Variants in SULF1 observed in about 807,000 individuals in gnomAD.
SULF1 encodes extracellular sulfatase Sulf-1.
In SULF1, 46 loss-of-function variants were observed where a neutral mutation model predicts 110.5. The ratio of observed to expected loss-of-function variants is 0.42; its 90% CI spans 0.33 to 0.53. SULF1 has a LOEUF of 0.53. Among genes scored for constraint, SULF1 ranks in the 20% least tolerant of loss-of-function variants. The pLI is 0.12. For synonymous variants in SULF1, 371 were observed against 387.1 expected (o/e 0.96, Z 0.49); for missense variants, 941 against 1,094.2 (o/e 0.86, Z 1.98).
chr8:69,530,803 T>C (rs1813027393), intron 3 of SULF1, among the ~76,000 whole-genome samples: 1 of 152,232 alleles, frequency 6.6e-6, no homozygotes, highest in Non-Finnish European at 1.5e-5. Context: ...AACCACTTTC[T>C]ATCTGGTTAG....
At chr8:69,475,159 T>G (rs971291737) in intron 1 of SULF1, among the ~76,000 whole-genome samples, 3 of 152,286 alleles carry the variant, frequency 2.0e-5, no homozygotes, top group East Asian at 3.9e-4. Flanking sequence ...GATCCTCTCT[T>G]GCCTCTGCTC....
chr8:69,546,184 A>G (rs1248116280), intron 3 of SULF1, among the ~76,000 whole-genome samples: 1 of 151,394 alleles, frequency 6.6e-6, no homozygotes, highest in African/African-American at 2.5e-5. Flanking sequence ...GCAATTAGCA[A>G]TTTGCATCAC....
At chr8:69,582,729 G>A (rs373916462) in intron 6 of SULF1, among the ~76,000 whole-genome samples, 4 of 151,420 alleles carry the variant, frequency 2.6e-5, no homozygotes, top group Admixed American at 6.6e-5. Context: ...GGATAAACCC[G>A]TAGGGATGAG....
At chr8:69,614,939 A>C (rs1808968306) in intron 13 of SULF1, among the ~76,000 whole-genome samples, 1 of 152,268 alleles carries the variant, frequency 6.6e-6, no homozygotes, top group Admixed American at 6.5e-5. Context: ...GAAATAATGT[A>C]GTTGCAGAAA....
chr8:69,493,448 T>TACACACAC lies in SULF1; in HGVS notation c.-391+358_-391+365dup, dbSNP rs56867664. Among the ~76,000 whole-genome samples, 127 of 144,384 alleles carry TACACACAC rather than the reference T, an allele frequency of 8.8e-4. 1 individual carries two copies. The highest frequency in any genetic ancestry group is 7.0e-3 in the Middle Eastern group (2 of 284). 94.7% of individuals were successfully genotyped at this position (144,384 alleles called of 152,430 possible). A position where few individuals can be genotyped will look rare whatever the true frequency, so the allele number is the denominator to read the frequency against. ...CACCACACACACACACACACAACAC[T>TACACACAC]ACACACACACACACACACACACACA... On this transcript the variant is annotated intron_variant, in intron 1 of 22. Transcript: ENST00000402687.
Position 69,638,584 on chromosome 8 carries a change from T to C in SULF1, c.2367T>C (p.Leu789=). ...LRTVNETHNF[L]FCEFATGFLE... ...CAGTTAATGAGACGCATAATTTTCT[T>C]TTCTGTGAGTTTGCTACTGGCTTTT... Residue 789 remains leucine (L), a synonymous_variant, in exon 20 of 23, where the codon CTT becomes CTC. Transcript: ENST00000402687. 2 of 1,614,162 alleles carry C rather than the reference T, an allele frequency of 1.2e-6. No individual in the cohort carries two copies. The highest frequency in any genetic ancestry group is 1.7e-6 in the Non-Finnish European group (2 of 1,180,028).
chr8:69,644,760 CAAAAAAAAAAA>C (rs59189043), intron 22 of SULF1, among the ~76,000 whole-genome samples: 6 of 115,174 alleles, frequency 5.2e-5, no homozygotes, highest in Non-Finnish European at 1.1e-4. Context: ...GACGCCGTCT[CAAAAAAAAAAA>C]AAAAAAAAAG....
At position 69,576,085 on chromosome 8, in the gene SULF1, C is replaced by T. The variant is rs138186217; in HGVS notation, c.288C>T (p.Thr96=). The T allele has an allele frequency of 1.5e-5, 24 of 1,614,016 alleles. No homozygotes were observed. The highest frequency in any genetic ancestry group is 5.3e-5 in the African/African-American group (4 of 74,910). The change falls in exon 6 of 23, where the codon ACC becomes ACT. Residue 96 remains threonine (T), a synonymous_variant. Coordinates refer to ENST00000402687, the MANE Select transcript of SULF1 (RefSeq NM_001128205.2). The stretch of plus-strand genomic sequence containing the variant: ...GCCCGTCACGGTCCTCCATGCTCAC[C>T]GGGAAGTATGTGCACAATCACAATG... ...MCCPSRSSML[T]GKYVHNHNVY...
At chr8:69,537,082 C>A (rs1266811615) in intron 3 of SULF1, among the ~76,000 whole-genome samples, 2 of 152,168 alleles carry the variant, frequency 1.3e-5, no homozygotes, top group Non-Finnish European at 2.9e-5. Flanking sequence ...ATACTCTGTG[C>A]CCAGCAAACG....
chr8:69,575,739 G>A (rs369613847), intron 5 of SULF1, among the ~76,000 whole-genome samples: 22 of 151,314 alleles, frequency 1.5e-4, no homozygotes, highest in Non-Finnish European at 2.5e-4. Flanking sequence ...TTTTTTCTTC[G>A]TGATTACAGG....
intron 1 of SULF1, among the ~76,000 whole-genome samples, chr8:69,485,432 C>A (rs970553907): frequency 1.3e-5 from 2 of 152,184 alleles, no homozygotes; most frequent in African/African-American, 4.8e-5. Context: ...TGGCATGGTT[C>A]AAAGCCTTAT....
At chr8:69,539,362 A>T (rs1319418276) in intron 3 of SULF1, among the ~76,000 whole-genome samples, 1 of 152,218 alleles carries the variant, frequency 6.6e-6, no homozygotes, top group East Asian at 1.9e-4. Context: ...GAAAGATCTC[A>T]TGTTATTTGA....
chr8:69,654,616 C>T (rs1205229976), intron 22 of SULF1, among the ~76,000 whole-genome samples: 7 of 152,154 alleles, frequency 4.6e-5, no homozygotes, highest in Admixed American at 4.6e-4. Flanking sequence ...CTCTGCATCA[C>T]GTATAAAAAA....
intron 3 of SULF1, among the ~76,000 whole-genome samples, chr8:69,554,680 A>G (rs950726620): frequency 6.6e-6 from 1 of 152,070 alleles, no homozygotes; most frequent in African/African-American, 2.4e-5. Flanking sequence ...GAAAAAGAAA[A>G]AAAGAAAGAA....
chr8:69,564,705 G>T (rs545889900), intron 5 of SULF1, among the ~76,000 whole-genome samples: 1 of 152,176 alleles, frequency 6.6e-6, no homozygotes, highest in South Asian at 2.1e-4. Flanking sequence ...TAGGCTAAGC[G>T]TAGAGCACCC....
chr8:69,630,326 A>G (rs1019453331), intron 19 of SULF1, among the ~76,000 whole-genome samples: 2 of 152,214 alleles, frequency 1.3e-5, no homozygotes, highest in Admixed American at 6.5e-5. Flanking sequence ...CCACATTCTT[A>G]TAGTACATCC....
intron 19 of SULF1, among the ~76,000 whole-genome samples, chr8:69,634,331 G>A (rs759552096): frequency 6.6e-6 from 1 of 152,198 alleles, no homozygotes; most frequent in Non-Finnish European, 1.5e-5. Flanking sequence ...CTTTAGAATA[G>A]ATGGTTTTCA....
chr8:69,637,398 G>A (rs1360285147), intron 19 of SULF1, among the ~76,000 whole-genome samples: 3 of 152,132 alleles, frequency 2.0e-5, no homozygotes, highest in African/African-American at 4.8e-5. Context: ...AGTTGTCTCC[G>A]CTGCTTTACG....
Position 69,603,255 on chromosome 8 carries a change from C to T in SULF1, c.1125C>T (p.Asp375=), listed in dbSNP as rs886532926. The change falls in exon 11 of 23, where the codon GAC becomes GAT. Residue 375 remains aspartate (D), a synonymous_variant. Coordinates refer to ENST00000402687, the MANE Select transcript of SULF1 (RefSeq NM_001128205.2). ...CGATCCTGGATATTGCTGGGCTCGA[C>T]ACACCTCCTGATGTGGACGGCAAGT... The part of the protein sequence containing the change: ...APTILDIAGL[D]TPPDVDGKSV... 28 of 1,614,060 alleles carry T rather than the reference C, an allele frequency of 1.7e-5. No individual in the cohort carries two copies. Among genetic ancestry groups the T allele is most frequent in the African/African-American group, 1.6e-4 (12 of 74,910 alleles).
Sources: gnomAD v4.1 joint callset for allele counts (sites outside exome capture counted in the v4.1 genomes callset) on GRCh38, gnomAD v4.1.1 for gene constraint, MANE v1.5 for transcripts, NCBI Gene and HGNC (gene_info 2026-07-23, HGNC 2026-07-21) for gene names.